VWA8: variants seen among roughly 807,000 people sequenced by gnomAD.
VWA8 encodes von Willebrand factor A domain containing 8.
Under a neutral mutation model 241.5 loss-of-function variants are expected in VWA8, and 221 were observed. The ratio of observed to expected loss-of-function variants is 0.91; its 90% CI spans 0.82 to 1.02. The LOEUF (loss-of-function observed/expected upper bound fraction) is 1.02, where lower values mean the gene tolerates loss of function less well. Among genes scored for constraint, VWA8 ranks in the 50% least tolerant of loss-of-function variants. The probability of loss-of-function intolerance (pLI) is 0.00; values close to 1 mark genes in which losing one functional copy is unlikely to be tolerated. For missense variants in VWA8, 2,322 were observed against 2,328.7 expected (o/e 1.00, Z 0.06); for synonymous variants, 852 against 827.1 (o/e 1.03, Z -0.52).
chr13:41,852,555 T>C (rs1484440792), intron 12 of VWA8, among the ~76,000 whole-genome samples: 1 of 152,160 alleles, frequency 6.6e-6, no homozygotes, highest in Non-Finnish European at 1.5e-5. Context: ...TGCAAGCTTT[T>C]CCCCCTTCTT....
At chr13:41,601,134 T>G (rs562412416) in intron 40 of VWA8, among the ~76,000 whole-genome samples, 1 of 152,108 alleles carries the variant, frequency 6.6e-6, no homozygotes, top group Admixed American at 6.5e-5. Flanking sequence ...TGTGTGTCCC[T>G]CAAGACTCAG....
At chr13:41,624,005 A>G (rs1447482524) in intron 37 of VWA8, among the ~76,000 whole-genome samples, 1 of 152,206 alleles carries the variant, frequency 6.6e-6, no homozygotes, top group East Asian at 1.9e-4. Context: ...CCAACTCCAG[A>G]GAAATACAAA....
In VWA8 at chr13:41,886,847, A is replaced by G; in HGVS notation, c.817-17T>C. 6.5e-7 allele frequency: 1 copy of G among 1,546,690 alleles called. No individual in the cohort carries two copies. On this transcript the variant is annotated splice_polypyrimidine_tract_variant and intron_variant, in intron 6 of 44. Coordinates refer to ENST00000379310, the MANE Select transcript of VWA8 (RefSeq NM_015058.2). ...AAGTTGGTCCTAAAGTAATACAGAA[A>G]CATATTAAATTAATTAACAAGAAAT...
intron 23 of VWA8, among the ~76,000 whole-genome samples, 161 bp from the exon 24 acceptor site, chr13:41,727,474 G>A (rs1032303363): frequency 6.6e-6 from 1 of 152,062 alleles, no homozygotes; most frequent in Non-Finnish European, 1.5e-5. Context: ...AAACTTTCTT[G>A]AAAAAATTTG....
chr13:41,770,285 A>C (rs2045809854), intron 20 of VWA8, among the ~76,000 whole-genome samples: 1 of 151,562 alleles, frequency 6.6e-6, no homozygotes, highest in Non-Finnish European at 1.5e-5. Flanking sequence ...CTAAAAATAC[A>C]AAAAAATTAG....
intron 26 of VWA8, among the ~76,000 whole-genome samples, chr13:41,709,771 CTT>C (rs67056755): frequency 1.3e-4 from 18 of 143,896 alleles, no homozygotes; most frequent in Admixed American, 2.1e-4. Flanking sequence ...GTCTCTCTCT[CTT>C]TTTTTTTTTT....
chr13:41,931,916 A>G (rs970042469), intron 2 of VWA8, among the ~76,000 whole-genome samples: 1 of 152,132 alleles, frequency 6.6e-6, no homozygotes, highest in Non-Finnish European at 1.5e-5. Context: ...GACTAGAAAA[A>G]GAAGAGAAAA....
chr13:41,863,259 C>T (rs919133341), intron 12 of VWA8, among the ~76,000 whole-genome samples: 2 of 148,620 alleles, frequency 1.3e-5, no homozygotes, highest in African/African-American at 5.2e-5. Context: ...CCACATTCTC[C>T]AGTTTTGAGA....
intron 1 of VWA8, among the ~76,000 whole-genome samples, chr13:41,959,901 C>T (rs1046124908): frequency 3.9e-5 from 6 of 152,184 alleles, no homozygotes; most frequent in Non-Finnish European, 7.3e-5. Context: ...AGCCACCGCG[C>T]CCGGCCCATA....
At chr13:41,877,572 G>A (rs1873957678) in intron 9 of VWA8, among the ~76,000 whole-genome samples, 1 of 151,962 alleles carries the variant, frequency 6.6e-6, no homozygotes, top group African/African-American at 2.4e-5. Context: ...ATTAGTGTTT[G>A]TTGAACTAAA....
intron 21 of VWA8, among the ~76,000 whole-genome samples, chr13:41,739,725 A>G (rs1289385447): frequency 6.6e-6 from 1 of 152,194 alleles, no homozygotes; most frequent in African/African-American, 2.4e-5. Context: ...AAAGGAAGAC[A>G]CAATTGCATC....
intron 2 of VWA8, among the ~76,000 whole-genome samples, chr13:41,919,375 G>A (rs1403871347): frequency 6.6e-6 from 1 of 152,130 alleles, no homozygotes; most frequent in East Asian, 1.9e-4. Flanking sequence ...CCAGCTGAGG[G>A]AGCTCCCCAG....
chr13:41,907,039 T>C (rs1227596935), intron 4 of VWA8, among the ~76,000 whole-genome samples: 1 of 152,152 alleles, frequency 6.6e-6, no homozygotes, highest in Non-Finnish European at 1.5e-5. Context: ...TATTAAATAC[T>C]CCTAAGAACA....
rs1191034176 is a variant in VWA8, at chr13:41,930,922, G to A, written c.242-18754C>T. Among the ~76,000 whole-genome samples the A allele has an allele frequency of 5.3e-5, 8 of 151,880 alleles. No homozygotes were observed. The South Asian group carries it at 6.2e-4, about 12-fold the overall frequency. ...TCCCAGCACTTTGAGAGGCCGAGGC[G>A]GGCGGATCACGAGGTCAAGAGATTG... is the stretch of plus-strand genomic sequence containing the variant. On this transcript the variant is annotated intron_variant, in intron 2 of 44. Transcript: ENST00000379310.
At chr13:41,693,011 T>TA in intron 29 of VWA8, 39 bp from the exon 30 acceptor site, 22 of 1,408,008 alleles carry the variant, frequency 1.6e-5, no homozygotes, top group East Asian at 2.5e-5. Flanking sequence ...CAAGATTTGT[T>TA]CTTTTTTTTT....
At chr13:41,638,285 A>G (rs1409612921) in intron 37 of VWA8, among the ~76,000 whole-genome samples, 3 of 152,224 alleles carry the variant, frequency 2.0e-5, no homozygotes, top group African/African-American at 7.2e-5. Context: ...AACAGAAGAA[A>G]TGGAGAACTC....
chr13:41,809,793 A>C (rs1870383561), intron 17 of VWA8, among the ~76,000 whole-genome samples: 1 of 152,214 alleles, frequency 6.6e-6, no homozygotes, highest in African/African-American at 2.4e-5. Context: ...GCAGCAAAGG[A>C]AATTGTCAAT....
At chr13:41,960,825 G>A (rs1460730759) in intron 1 of VWA8, 28 bp downstream of exon 1, 2 of 1,510,596 alleles carry the variant, frequency 1.3e-6, no homozygotes, top group Admixed American at 2.0e-5. Context: ...AGGGGCACCA[G>A]GGAGGACAGG....
intron 2 of VWA8, among the ~76,000 whole-genome samples, chr13:41,914,264 A>G (rs1876150830): frequency 6.6e-6 from 1 of 152,248 alleles, no homozygotes; most frequent in Admixed American, 6.5e-5. Context: ...TTAGGAAGGA[A>G]TAATAACAGG....
Sources: allele counts gnomAD v4.1 joint callset (sites outside exome capture counted in the v4.1 genomes callset), GRCh38; gene constraint gnomAD v4.1.1; transcripts MANE v1.5; gene names NCBI Gene and HGNC (gene_info 2026-07-23, HGNC 2026-07-21).